Variants in DENND4C observed in about 807,000 individuals in gnomAD.
The protein encoded by DENND4C is DENN domain containing 4C.
In DENND4C, 108 loss-of-function variants were observed where a neutral mutation model predicts 203.0. The ratio of observed to expected loss-of-function variants is 0.53; its 90% CI spans 0.46 to 0.62. The LOEUF (loss-of-function observed/expected upper bound fraction) is 0.62, where lower values mean the gene tolerates loss of function less well. Among genes scored for constraint, DENND4C ranks in the 20% least tolerant of loss-of-function variants. The pLI is 0.00. For synonymous variants in DENND4C, 871 were observed against 792.4 expected, an observed-to-expected ratio of 1.10 and a Z score of -1.67; for missense variants, 2,481 against 2,301.2, an observed-to-expected ratio of 1.08 and a Z score of -1.60.
chr9:19,293,956 C>T (rs1023606044), intron 5 of DENND4C, among the ~76,000 whole-genome samples: 8 of 152,218 alleles, frequency 5.3e-5, no homozygotes, highest in Admixed American at 2.0e-4. Flanking sequence ...AACATGACTT[C>T]GAAGTTTCTA....
chr9:19,340,028 C>T (rs1413091359), intron 20 of DENND4C, among the ~76,000 whole-genome samples: 1 of 152,114 alleles, frequency 6.6e-6, no homozygotes, highest in African/African-American at 2.4e-5. Context: ...TGTTTCTGAG[C>T]ACTACCTTTT....
intron 1 of DENND4C, among the ~76,000 whole-genome samples, chr9:19,259,457 T>C (rs1386015573): frequency 1.3e-5 from 2 of 152,064 alleles, no homozygotes; most frequent in Admixed American, 1.3e-4. Flanking sequence ...TTTTTATGGC[T>C]GAATAGTACT....
intron 1 of DENND4C, among the ~76,000 whole-genome samples, chr9:19,251,952 A>T (rs1826715991): frequency 6.6e-6 from 1 of 152,172 alleles, no homozygotes; most frequent in Non-Finnish European, 1.5e-5. Flanking sequence ...AAACTGTTCC[A>T]GCCTCTGCCT....
chr9:19,270,267 A>G (rs1314777817), intron 1 of DENND4C, among the ~76,000 whole-genome samples: 2 of 152,146 alleles, frequency 1.3e-5, no homozygotes, highest in African/African-American at 2.4e-5. Context: ...CCTGGCTACC[A>G]CTGATGTTTA....
At chr9:19,308,175 G>C (rs966094499) in intron 10 of DENND4C, among the ~76,000 whole-genome samples, 1 of 152,080 alleles carries the variant, frequency 6.6e-6, no homozygotes, top group Non-Finnish European at 1.5e-5. Flanking sequence ...ATTTCCTTGA[G>C]TATATGCTCA....
chr9:19,282,417 C>T (rs1182529068), intron 2 of DENND4C, among the ~76,000 whole-genome samples: 1 of 151,574 alleles, frequency 6.6e-6, no homozygotes, highest in East Asian at 1.9e-4. Context: ...GCCACCACTC[C>T]TGGCTAATTT....
chr9:19,333,719 A>C (rs144167698), intron 17 of DENND4C, among the ~76,000 whole-genome samples: 54 of 152,342 alleles, frequency 3.5e-4, no homozygotes, highest in East Asian at 2.7e-3. Flanking sequence ...CATCCTAAGA[A>C]GTAGATACTG....
rs1429715137 is a variant in DENND4C, at chr9:19,346,592, C to G, written c.3823C>G (p.Pro1275Ala). 2 of 1,614,042 alleles carry G rather than the reference C, an allele frequency of 1.2e-6. No individual in the cohort carries two copies. Among genetic ancestry groups the G allele is most frequent in the Non-Finnish European group, 1.7e-6 (2 of 1,180,048 alleles). Residue 1275 changes from proline (P) to alanine (A), a missense_variant, in exon 23 of 33, where the codon CCA becomes GCA. By Grantham distance (27) the Pro-to-Ala change is conservative. This residue lies in a region of DENND4C where 2,289 missense variants were observed against 2,113.3 expected (regional missense o/e 1.08). Transcript: ENST00000434457. ...TPDSEDKLFS[P>A]VIARNLADEI... is the part of the protein sequence containing the mutation. ...TGATTCTGAAGATAAGTTGTTTTCT[C>G]CAGTTATTGCACGTAATCTGGCTGA...
chr9:19,373,815 CTAACTCCCTTCTACCTGATG>C lies in DENND4C; in HGVS notation c.*1647_*1666del, dbSNP rs1409730136. 6.6e-6 allele frequency among the ~76,000 whole-genome samples: 1 copy of C among 152,126 alleles called. No homozygotes were observed. Among genetic ancestry groups the C allele is most frequent in the African/African-American group, 2.4e-5 (1 of 41,426 alleles). ...TACTTCCATATGGTACAGTAACAAC[CTAACTCCCTTCTACCTGATG>C]TAACCATTTACAAATTATAGTTATT... On this transcript the variant is annotated 3_prime_UTR_variant, in exon 33 of 33. Transcript: ENST00000434457.
At chr9:19,260,194 C>G (rs1829013391) in intron 1 of DENND4C, among the ~76,000 whole-genome samples, 1 of 152,098 alleles carries the variant, frequency 6.6e-6, no homozygotes, top group Non-Finnish European at 1.5e-5. Context: ...TAGTTTTGAT[C>G]AAAGAAATTT....
In DENND4C at chr9:19,326,133, G is replaced by T; in HGVS notation, c.2059G>T (p.Val687Leu). Residue 687 changes from valine (V) to leucine (L), a missense_variant, in exon 15 of 33, where the codon GTA (valine) becomes TTA (leucine). This residue lies in a region of DENND4C where 2,289 missense variants were observed against 2,113.3 expected (regional missense o/e 1.08). Coordinates refer to ENST00000434457, the MANE Select transcript of DENND4C (RefSeq NM_001330640.2). The part of the protein sequence containing the change: ...LDDSQKSEHT[V>L]FIMPPEPPPD... The stretch of plus-strand genomic sequence containing the variant: ...TGATTCACAGAAAAGTGAGCATACT[G>T]TATTTATAATGCCGCCAGAGCCACC... 6.2e-7 allele frequency: 1 copy of T among 1,613,518 alleles called. No individual in the cohort carries two copies. Among genetic ancestry groups the T allele is most frequent in the Non-Finnish European group, 8.5e-7 (1 of 1,179,712 alleles).
intron 17 of DENND4C, among the ~76,000 whole-genome samples, chr9:19,332,553 T>C (rs1283280942): frequency 1.4e-5 from 2 of 146,384 alleles, no homozygotes; most frequent in East Asian, 2.0e-4. Flanking sequence ...TTAATAGAGA[T>C]GGGGTCTCAC....
intron 1 of DENND4C, among the ~76,000 whole-genome samples, chr9:19,239,926 C>T (rs1823257064): frequency 1.3e-5 from 2 of 152,106 alleles, no homozygotes. Flanking sequence ...ACAATTATGT[C>T]AAGTTGGTTG....
At position 19,346,424 on chromosome 9, in the gene DENND4C, G is replaced by A. The variant is rs765438704; in HGVS notation, c.3655G>A (p.Asp1219Asn). Residue 1219 changes from aspartate to asparagine, a missense_variant, in exon 23 of 33, where the codon GAC (aspartate) becomes AAC (asparagine). By Grantham distance (23) the Asp-to-Asn change is conservative. Around this residue, in one of 3 missense-constraint regions of DENND4C, gnomAD observed 2,289 missense variants for 2,113.3 expected, o/e 1.08. Coordinates refer to ENST00000434457, the MANE Select transcript of DENND4C (RefSeq NM_001330640.2). ...TGATAGTAACAGTAATCAGTCCAGA[G>A]ACTTGAAAACAGTATCCAAAGATCT... ...LSDSNSNQSR[D>N]LKTVSKDLRN... The A allele has an allele frequency of 1.1e-5, 18 of 1,614,000 alleles. 1 individual carries two copies. The South Asian group carries it at 2.0e-4, about 18-fold the overall frequency.
At chr9:19,234,657 A>G (rs996483236) in intron 1 of DENND4C, among the ~76,000 whole-genome samples, 1 of 150,828 alleles carries the variant, frequency 6.6e-6, no homozygotes, top group Non-Finnish European at 1.5e-5. Context: ...GCCCCCTAAT[A>G]GCTGGGACTA....
intron 17 of DENND4C, 105 bp downstream of exon 17, chr9:19,332,289 A>G (rs1588938274): frequency 1.2e-6 from 1 of 856,292 alleles, no homozygotes; most frequent in Non-Finnish European, 1.9e-6. Flanking sequence ...CATTTTCATT[A>G]AGCAGGAAAG....
rs1588762540 is a variant in DENND4C at position 19,258,396 on chromosome 9, A to G, written c.-17-17762A>G. On this transcript the variant is annotated intron_variant, in intron 1 of 32. Transcript: ENST00000434457. ...TTGATACCAGAACCAAAGATATTAC[A>G]GGAAAACTATATGCCAGTATTCCTC... 2.6e-5 allele frequency among the ~76,000 whole-genome samples: 4 copies of G among 152,304 alleles called. No homozygotes were observed. The East Asian group carries it at 5.8e-4, about 22-fold the overall frequency.
intron 1 of DENND4C, among the ~76,000 whole-genome samples, chr9:19,262,837 G>A (rs1829704594): frequency 6.6e-6 from 1 of 152,124 alleles, no homozygotes. Context: ...CCAAAGTGCT[G>A]GGATTACAGG....
intron 1 of DENND4C, among the ~76,000 whole-genome samples, chr9:19,274,447 C>G (rs1832439020): frequency 6.6e-6 from 1 of 152,130 alleles, no homozygotes; most frequent in Non-Finnish European, 1.5e-5. Context: ...AGGCATGCGC[C>G]ACCGCACCCA....
Sources: allele counts gnomAD v4.1 joint callset (sites outside exome capture counted in the v4.1 genomes callset), GRCh38; gene constraint gnomAD v4.1.1; regional missense constraint gnomAD v4.1.1; transcripts MANE v1.5; gene names NCBI Gene and HGNC (gene_info 2026-07-23, HGNC 2026-07-21).